Variants in ESR2 observed in about 807,000 individuals in gnomAD.
ESR2 encodes the protein estrogen receptor 2.
Under a neutral mutation model 49.6 loss-of-function variants are expected in ESR2, and 36 were observed. The ratio of observed to expected loss-of-function variants is 0.73; its 90% CI spans 0.56 to 0.96. The LOEUF is 0.96. Among genes scored for constraint, ESR2 ranks in the 40% least tolerant of loss-of-function variants. The probability of loss-of-function intolerance (pLI) is 0.00; values close to 1 mark genes in which losing one functional copy is unlikely to be tolerated. For synonymous variants in ESR2, 320 were observed against 266.1 expected (o/e 1.20, Z -1.97); for missense variants, 714 against 693.0 (o/e 1.03, Z -0.34).
intron 1 of ESR2, among the ~76,000 whole-genome samples, chr14:64,327,376 CA>C (rs2077402583): frequency 6.6e-6 from 1 of 151,432 alleles, no homozygotes; most frequent in Non-Finnish European, 1.5e-5. Context: ...GCCTGGCCAA[CA>C]TGGTGAAACC....
intron 1 of ESR2, 124 bp from the exon 2 acceptor site, chr14:64,283,199 T>C (rs2076716732): frequency 2.4e-6 from 1 of 414,974 alleles, no homozygotes. Context: ...CTGAAAAATA[T>C]ACATGAAAAT....
Position 64,280,128 on chromosome 14 carries a change from C to T in ESR2, c.388G>A (p.Gly130Arg). 1 of 1,614,030 alleles carries T rather than the reference C, an allele frequency of 6.2e-7. No homozygotes were observed. The highest frequency in any genetic ancestry group is 8.5e-7 in the Non-Finnish European group (1 of 1,179,956). ...GTAACAGGGCTGGCGCAACGGTTCC[C>T]ACTAACCTTCCTTTTCAGTGTCTCT... Reference protein sequence around the residue: ...NRETLKRKVSGNRCASPVTGP... With the variant: ...NRETLKRKVSRNRCASPVTGP... The change falls in exon 3 of 9, where the codon GGG becomes AGG. Residue 130 changes from glycine to arginine, a missense_variant. Gly to Arg is a moderately radical substitution (Grantham distance 125). Coordinates refer to ENST00000341099, the MANE Select transcript of ESR2 (RefSeq NM_001437.3).
In ESR2 at chr14:64,282,970, A is replaced by C. The variant is rs759956733; in HGVS notation, c.16T>G (p.Ser6Ala). ...GAAGGAGAATTAAGGCTAGATGGTG[A>C]GTTTTTTATATCCATGTCTTGAGAT... MDIKN[S>A]PSSLNSPSSY... The change falls in exon 2 of 9, where the codon TCA becomes GCA. Residue 6 changes from serine to alanine, a missense_variant. Ser to Ala is a moderately conservative substitution (Grantham distance 99). Transcript: ENST00000341099. 2.5e-6 allele frequency: 4 copies of C among 1,612,356 alleles called. No homozygotes were observed. Among genetic ancestry groups the C allele is most frequent in the East Asian group, 4.5e-5 (2 of 44,872 alleles).
chr14:64,283,747 CAAAAAAAAAAAAAA>C (rs757997424), intron 1 of ESR2, among the ~76,000 whole-genome samples: 1 of 45,548 alleles, frequency 2.2e-5, no homozygotes, highest in African/African-American at 9.2e-5. Flanking sequence ...GACCCTGTCT[CAAAAAAAAAAAAAA>C]AAAAAAAAAA....
At position 64,232,427 on chromosome 14, in the gene ESR2, T is replaced by C. The variant is rs1302299460; in HGVS notation, c.*710A>G. The C allele has an allele frequency of 6.6e-6, 1 of 152,290 alleles. No homozygotes were observed. Among genetic ancestry groups the C allele is most frequent in the Non-Finnish European group, 1.5e-5 (1 of 68,058 alleles). 9.4% of individuals were successfully genotyped at this position (152,290 alleles called of 1,614,324 possible). Reference sequence around the variant, plus strand: ...GCGAGATTTGTATCTCCCACAGTCCTGCATGAAAATGATCACACGCTCATA... The same window carrying C: ...GCGAGATTTGTATCTCCCACAGTCCCGCATGAAAATGATCACACGCTCATA... On this transcript the variant is annotated 3_prime_UTR_variant, in exon 9 of 9. Coordinates refer to ENST00000341099, the MANE Select transcript of ESR2 (RefSeq NM_001437.3).
At chr14:64,302,339 A>C (rs1003674034) in intron 1 of ESR2, among the ~76,000 whole-genome samples, 2 of 151,882 alleles carry the variant, frequency 1.3e-5, no homozygotes, top group African/African-American at 4.8e-5. Flanking sequence ...GGCTCCTGCC[A>C]CCATGCCCGG....
chr14:64,267,384 G>A (rs2076353663), intron 4 of ESR2, among the ~76,000 whole-genome samples: 1 of 152,090 alleles, frequency 6.6e-6, no homozygotes. Flanking sequence ...AATAATACAC[G>A]CTGTGAGGCT....
At chr14:64,262,663 C>T (rs539558242) in intron 4 of ESR2, among the ~76,000 whole-genome samples, 1 of 138,126 alleles carries the variant, frequency 7.2e-6, no homozygotes, top group Admixed American at 7.3e-5. Context: ...AAGGTGGTTT[C>T]GGCGGGTGGG....
intron 6 of ESR2, among the ~76,000 whole-genome samples, chr14:64,250,794 T>C (rs948634509): frequency 7.9e-5 from 12 of 152,214 alleles, no homozygotes; most frequent in African/African-American, 1.2e-4. Context: ...ACACCAGTCC[T>C]GCAGAAGTCT....
intron 4 of ESR2, among the ~76,000 whole-genome samples, chr14:64,265,481 A>G (rs1342947159): frequency 6.6e-6 from 1 of 152,178 alleles, no homozygotes; most frequent in Non-Finnish European, 1.5e-5. Flanking sequence ...ATCTAAACCC[A>G]AGCAGTAGCC....
rs555893002 is a variant in ESR2, at chr14:64,277,782, T to A, written c.535+2199A>T. Among the ~76,000 whole-genome samples, 3 of 152,294 alleles carry A rather than the reference T, an allele frequency of 2.0e-5. No individual in the cohort carries two copies. In the East Asian group the frequency reaches 5.8e-4, roughly 29 times the overall value. ...GGAAGCATGCAAAGAAAGGATCATTTAGGCACTACAACTGTACAACTGTAA... is the reference window on the plus strand; with the variant it reads ...GGAAGCATGCAAAGAAAGGATCATTAAGGCACTACAACTGTACAACTGTAA... On this transcript the variant is annotated intron_variant, in intron 3 of 8. Transcript: ENST00000341099.
At chr14:64,266,800 G>GT (rs955749540) in intron 4 of ESR2, among the ~76,000 whole-genome samples, 1 of 152,050 alleles carries the variant, frequency 6.6e-6, no homozygotes, top group Non-Finnish European at 1.5e-5. Flanking sequence ...AGGTTTATGG[G>GT]TTTTTTTCCC....
At chr14:64,331,552 C>A (rs1223522392) in intron 1 of ESR2, among the ~76,000 whole-genome samples, 3 of 152,152 alleles carry the variant, frequency 2.0e-5, no homozygotes, top group Non-Finnish European at 2.9e-5. Context: ...TGGGGCCGGG[C>A]CCAGTGGCTC....
At position 64,324,323 on chromosome 14, in the gene ESR2, G is replaced by C. The variant is rs1022299828; in HGVS notation, c.-91+13575C>G. 1.4e-3 allele frequency among the ~76,000 whole-genome samples: 210 copies of C among 152,226 alleles called. 1 individual carries two copies. Among genetic ancestry groups the C allele is most frequent in the Non-Finnish European group, 2.2e-4 (15 of 68,006 alleles). ...GAAAAAACTGAAGATATGGGAAAGG[G>C]CATGTTTTTTGATAAAATTAGAAGC... On this transcript the variant is annotated intron_variant, in intron 1 of 8. Transcript: ENST00000358599.
chr14:64,295,067 T>G (rs561616476), upstream of ESR2, among the ~76,000 whole-genome samples: 2 of 151,410 alleles, frequency 1.3e-5, no homozygotes, highest in Admixed American at 6.6e-5. Context: ...CTTAATGGGG[T>G]GTTCCCCTCA....
chr14:64,260,604 T>G lies in ESR2; in HGVS notation c.797A>C (p.Glu266Ala). The G allele has an allele frequency of 6.2e-7, 1 of 1,610,860 alleles. No homozygotes were observed. Among genetic ancestry groups the G allele is most frequent in the Non-Finnish European group, 8.5e-7 (1 of 1,178,290 alleles). Residue 266 changes from glutamate to alanine, a missense_variant, in exon 5 of 9, where the codon GAG becomes GCG. Glu to Ala is a moderately radical substitution (Grantham distance 107, BLOSUM62 -1). Coordinates refer to ENST00000341099, the MANE Select transcript of ESR2 (RefSeq NM_001437.3). ...CTCCAGGAGGGTGAGCACTAGCTGC[T>G]CGGGGCTCAGGGCGTCCAGCAGCAG... Reference protein sequence around the residue: ...RELLLDALSPEQLVLTLLEAE... With the variant: ...RELLLDALSPAQLVLTLLEAE...
At chr14:64,327,198 G>C (rs1176465880) in intron 1 of ESR2, among the ~76,000 whole-genome samples, 1 of 152,064 alleles carries the variant, frequency 6.6e-6, no homozygotes. Flanking sequence ...GATATGAGTA[G>C]ACTAAAGTAA....
rs954863190 is a variant in ESR2 at position 64,230,379 on chromosome 14, A to C, written c.*2758T>G. 2.6e-5 allele frequency among the ~76,000 whole-genome samples: 4 copies of C among 152,176 alleles called. No homozygotes were observed. Among genetic ancestry groups the C allele is most frequent in the African/African-American group, 9.7e-5 (4 of 41,436 alleles). ...TTGCTTCAATTCCACTTATATACAT[A>C]AATATATATGGATATATAATATGGC... is the stretch of plus-strand genomic sequence containing the variant. On this transcript the variant is annotated 3_prime_UTR_variant, in exon 9 of 9. Coordinates refer to ENST00000341099, the MANE Select transcript of ESR2 (RefSeq NM_001437.3).
chr14:64,238,740 G>A (rs1313776763), intron 7 of ESR2, among the ~76,000 whole-genome samples: 4 of 149,586 alleles, frequency 2.7e-5, no homozygotes, highest in Admixed American at 1.3e-4. Flanking sequence ...TTGATGAAAC[G>A]GAAGAAGTAT....
Sources: allele counts gnomAD v4.1 joint callset (sites outside exome capture counted in the v4.1 genomes callset), GRCh38; gene constraint gnomAD v4.1.1; transcripts MANE v1.5; gene names NCBI Gene and HGNC (gene_info 2026-07-23, HGNC 2026-07-21).